PHC1: variants seen among roughly 807,000 people sequenced by gnomAD.
The protein encoded by PHC1 is polyhomeotic homolog 1, also known as polyhomeotic-like protein 1.
PHC1 carries 12 observed loss-of-function variants against 104.3 expected under a neutral mutation model. That is an observed-to-expected ratio of 0.12 (90% CI 0.07 to 0.19). PHC1 has a LOEUF of 0.19. Ranked by LOEUF, PHC1 falls within the 10% of genes least tolerant of loss-of-function variation. PHC1 has a pLI of 1.00. For missense variants in PHC1, 671 were observed against 1,200.0 expected, an observed-to-expected ratio of 0.56 and a Z score of 6.51; for synonymous variants, 302 against 455.8, an observed-to-expected ratio of 0.66 and a Z score of 4.30.
In PHC1 at chr12:8,921,074, G is replaced by A. The variant is rs766410869; in HGVS notation, c.306+9G>A. The A allele has an allele frequency of 2.6e-5, 41 of 1,598,140 alleles. No homozygotes were observed. The highest frequency in any genetic ancestry group is 3.2e-5 in the Non-Finnish European group (38 of 1,171,938). Reference sequence around the variant, plus strand: ...CCACCACCCAGGCCTCGGTGAGTACGCCCTCTCCCACTGAGAGGCTTCTCT... The same window carrying A: ...CCACCACCCAGGCCTCGGTGAGTACACCCTCTCCCACTGAGAGGCTTCTCT... On this transcript the variant is annotated intron_variant, in intron 4 of 14. Transcript: ENST00000544916.
At chr12:8,926,355 G>T (rs1185888792) in intron 6 of PHC1, among the ~76,000 whole-genome samples, 1 of 152,214 alleles carries the variant, frequency 6.6e-6, no homozygotes, top group Admixed American at 6.5e-5. Flanking sequence ...AGTGGCTCAT[G>T]CCTATAATCC....
In PHC1 at chr12:8,924,100, A is replaced by G. The variant is rs149781163; in HGVS notation, c.612+1312A>G. Among the ~76,000 whole-genome samples, 527 of 152,318 alleles carry G rather than the reference A, an allele frequency of 3.5e-3. 12 individuals are homozygous for G. The highest frequency in any genetic ancestry group is 0.026 in the Admixed American group (398 of 15,296). On this transcript the variant is annotated intron_variant, in intron 6 of 14. Transcript: ENST00000544916. ...TGAGCCTGGAACTAATCCCCTGTGG[A>G]TACCAAGGAACAATTGTATTAGAAA...
chr12:8,926,070 C>T (rs1395426059), intron 6 of PHC1, among the ~76,000 whole-genome samples: 1 of 152,112 alleles, frequency 6.6e-6, no homozygotes, highest in Non-Finnish European at 1.5e-5. Context: ...TGTGGGGTGG[C>T]TGGTGGTGCT....
At position 8,930,580 on chromosome 12, in the gene PHC1, C is replaced by A; in HGVS notation, c.758C>A (p.Ala253Asp). ...AGCCAGGCCCTAGCGGTGGCACAGG[C>A]TTCCTCTGGGGCCACAAACCAGTCC... ...ASSQALAVAQASSGATNQSLN... is the reference protein window; with the variant it reads ...ASSQALAVAQDSSGATNQSLN... Residue 253 changes from alanine (A) to aspartate (D), a missense_variant, in exon 7 of 15, where the codon GCT (alanine) becomes GAT (aspartate). By Grantham distance (126) the Ala-to-Asp change is moderately radical. Around this residue, in one of 9 missense-constraint regions of PHC1, gnomAD observed 237 missense variants for 331.1 expected, o/e 0.72. Transcript: ENST00000544916. 2 of 1,563,922 alleles carry A rather than the reference C, an allele frequency of 1.3e-6. No individual in the cohort carries two copies. The highest frequency in any genetic ancestry group is 1.7e-6 in the Non-Finnish European group (2 of 1,152,120).
Position 8,914,779 on chromosome 12 carries a change from T to G in PHC1, c.-97T>G, listed in dbSNP as rs960796256. On this transcript the variant is annotated 5_prime_UTR_variant, in exon 1 of 15. It removes an upstream start codon present in the reference 5' UTR. Coordinates refer to ENST00000544916, the MANE Select transcript of PHC1 (RefSeq NM_004426.3). ...CCTGGCGACTGGGGACCCCGGCACA[T>G]GAGGTGGACGCCCCCGGGGAAGACT... The G allele has an allele frequency of 6.5e-6, 1 of 153,330 alleles. No homozygotes were observed. 9.5% of individuals were successfully genotyped at this position (153,330 alleles called of 1,614,324 possible).
In PHC1 at chr12:8,937,297, C is replaced by T. The variant is rs189741375; in HGVS notation, c.2599C>T (p.Arg867Cys). 1.4e-5 allele frequency: 23 copies of T among 1,610,170 alleles called. No homozygotes were observed. Among genetic ancestry groups the T allele is most frequent in the East Asian group, 1.3e-4 (6 of 44,752 alleles). The change falls in exon 13 of 15, where the codon CGT (arginine) becomes TGT (cysteine). Residue 867 changes from arginine to cysteine, a missense_variant. By Grantham distance (180) the Arg-to-Cys change is radical (BLOSUM62 -3). This residue lies in a region of PHC1 where 192 missense variants were observed against 280.5 expected (regional missense o/e 0.68). Coordinates refer to ENST00000544916, the MANE Select transcript of PHC1 (RefSeq NM_004426.3). ...GPRRSSSDIA[R>C]AKIQGKCHRG... is the part of the protein sequence containing the mutation. ...CCGCCGCAGCTCCTCTGACATTGCC[C>T]GTGCCAAGATTCAGGGCAAGTGCCA...
intron 3 of PHC1, 90 bp from the exon 4 acceptor site, chr12:8,920,895 A>G: frequency 2.4e-6 from 2 of 827,538 alleles, no homozygotes; most frequent in Non-Finnish European, 3.9e-6. Context: ...TGAAATCTCT[A>G]TGTTTTGTGC....
intron 6 of PHC1, among the ~76,000 whole-genome samples, chr12:8,924,765 A>C (rs1158505888): frequency 6.6e-6 from 1 of 152,234 alleles, no homozygotes; most frequent in Non-Finnish European, 1.5e-5. Context: ...GGGGTAGAGC[A>C]TATAAAGGAG....
At chr12:8,914,412 C>A (rs1945136333), upstream of PHC1, 2 of 45,470 alleles carry the variant, frequency 4.4e-5, no homozygotes, top group Admixed American at 5.7e-4. Context: ...GAGGGACGCG[C>A]GGGAGGGAGG....
At chr12:8,923,445 T>C (rs1945421018) in intron 6 of PHC1, among the ~76,000 whole-genome samples, 1 of 152,246 alleles carries the variant, frequency 6.6e-6, no homozygotes, top group Non-Finnish European at 1.5e-5. Flanking sequence ...CTTCATGTAC[T>C]TTTGGCCCTC....
In PHC1 at chr12:8,936,944, C is replaced by T. The variant is rs1945854083; in HGVS notation, c.2457C>T (p.Cys819=). 1 of 1,610,254 alleles carries T rather than the reference C, an allele frequency of 6.2e-7. No homozygotes were observed. The highest frequency in any genetic ancestry group is 8.5e-7 in the Non-Finnish European group (1 of 1,176,684). The part of the protein sequence containing the change: ...AEQFRGSKRF[C]SMTCAKRYNV... ...AGTTTCGTGGCTCTAAGAGGTTCTG[C>T]TCCATGACTTGCGCTAAGAGGTACT... The change falls in exon 12 of 15, where the codon TGC becomes TGT. Residue 819 remains cysteine, a synonymous_variant. Coordinates refer to ENST00000544916, the MANE Select transcript of PHC1 (RefSeq NM_004426.3).
chr12:8,918,298 AACT>A (rs1945258085), intron 2 of PHC1, among the ~76,000 whole-genome samples: 1 of 152,248 alleles, frequency 6.6e-6, no homozygotes, highest in African/African-American at 2.4e-5. Context: ...ACTAAAACCA[AACT>A]ACTATTTTCA....
At chr12:8,924,362 A>C (rs1945455403) in intron 6 of PHC1, among the ~76,000 whole-genome samples, 1 of 152,154 alleles carries the variant, frequency 6.6e-6, no homozygotes, top group Non-Finnish European at 1.5e-5. Context: ...CTGTAGTTCC[A>C]CCTACAGGGA....
chr12:8,933,989 T>C lies in PHC1; in HGVS notation c.2018T>C (p.Met673Thr), dbSNP rs753795214. 25 of 1,614,032 alleles carry C rather than the reference T, an allele frequency of 1.5e-5. 2 individuals are homozygous for C. In the South Asian group the frequency reaches 2.6e-4, roughly 17 times the overall value. Reference protein sequence around the residue: ...ASPVAESPKVMDEKSSLGEKA... With the variant: ...ASPVAESPKVTDEKSSLGEKA... ...CCAGTAGCAGAAAGCCCAAAAGTCA[T>C]GGACGAGAAGAGCAGTCTTGGAGGT... is the stretch of plus-strand genomic sequence containing the variant. Residue 673 changes from methionine (M) to threonine (T), a missense_variant, in exon 9 of 15, where the codon ATG (methionine) becomes ACG (threonine). Met to Thr is a moderately conservative substitution (Grantham distance 81, BLOSUM62 -1). Around this residue, in one of 9 missense-constraint regions of PHC1, gnomAD observed 95 missense variants for 108.8 expected, o/e 0.87. Coordinates refer to ENST00000544916, the MANE Select transcript of PHC1 (RefSeq NM_004426.3).
intron 1 of PHC1, chr12:8,915,847 T>G (rs146178256): frequency 1.9e-5 from 3 of 154,214 alleles, no homozygotes; most frequent in Non-Finnish European, 4.4e-5. Context: ...TAGTTCACAA[T>G]CCAAAAAAAA....
intron 6 of PHC1, among the ~76,000 whole-genome samples, chr12:8,928,949 T>A (rs1040853319): frequency 6.6e-6 from 1 of 152,158 alleles, no homozygotes; most frequent in African/African-American, 2.4e-5. Context: ...AGATGGCCCT[T>A]TGAGTTGATT....
At position 8,934,980 on chromosome 12, in the gene PHC1, T is replaced by C. The variant is rs1384815887; in HGVS notation, c.2254-144T>C. Reference sequence around the variant, plus strand: ...CCAGTTACTACTCTTGATTACCGTATTGAAAGTGATTCTCTCTGAACCAGA... The same window carrying C: ...CCAGTTACTACTCTTGATTACCGTACTGAAAGTGATTCTCTCTGAACCAGA... On this transcript the variant is annotated intron_variant, in intron 10 of 14. Coordinates refer to ENST00000544916, the MANE Select transcript of PHC1 (RefSeq NM_004426.3). 3 of 563,960 alleles carry C rather than the reference T, an allele frequency of 5.3e-6. 1 individual carries two copies. The highest frequency in any genetic ancestry group is 4.7e-5 in the South Asian group (2 of 42,878). The allele number at this position is 563,960 out of a possible 1,614,324, so 34.9% of individuals were successfully genotyped here.
chr12:8,921,221 A>C (rs1176325127), intron 4 of PHC1, among the ~76,000 whole-genome samples, 156 bp downstream of exon 4: 1 of 152,242 alleles, frequency 6.6e-6, no homozygotes, highest in Non-Finnish European at 1.5e-5. Flanking sequence ...GAAAGTAACC[A>C]ACATTAATCT....
At position 8,919,562 on chromosome 12, in the gene PHC1, C is replaced by T. The variant is rs927688082; in HGVS notation, c.115-194C>T. Among the ~76,000 whole-genome samples, 1 of 152,144 alleles carries T rather than the reference C, an allele frequency of 6.6e-6. No individual in the cohort carries two copies. The highest frequency in any genetic ancestry group is 2.4e-5 in the African/African-American group (1 of 41,434). On this transcript the variant is annotated intron_variant, in intron 2 of 14. Coordinates refer to ENST00000544916, the MANE Select transcript of PHC1 (RefSeq NM_004426.3). The surrounding 1 kb of genome is among the most constrained non-coding windows in gnomAD (Gnocchi z 4.9). The stretch of plus-strand genomic sequence containing the variant: ...AAACTATGATCACGCCACTGTGCTC[C>T]AGCCTGGTGATAGAGCAGGTTGACT...
Sources: allele counts gnomAD v4.1 joint callset (sites outside exome capture counted in the v4.1 genomes callset), GRCh38; gene constraint gnomAD v4.1.1; regional missense constraint gnomAD v4.1.1; non-coding constraint Gnocchi (gnomAD v3.1); transcripts MANE v1.5; gene names NCBI Gene and HGNC (gene_info 2026-07-23, HGNC 2026-07-21).